CREB3L4: variants seen among roughly 807,000 people sequenced by gnomAD.
CREB3L4 encodes the protein cyclic AMP-responsive element-binding protein 3-like protein 4.
CREB3L4 carries 28 observed loss-of-function variants against 37.0 expected under a neutral mutation model. The observed-to-expected ratio is 0.76, with a 90% CI of 0.56 to 1.04. The LOEUF (loss-of-function observed/expected upper bound fraction) is 1.04. Among genes scored for constraint, CREB3L4 ranks in the 50% least tolerant of loss-of-function variants. CREB3L4 has a pLI of 0.00. For synonymous variants in CREB3L4, 175 were observed against 192.2 expected (o/e 0.91, Z 0.74); for missense variants, 462 against 486.0 (o/e 0.95, Z 0.46).
At chr1:153,970,522 G>A (rs1214421026) in intron 4 of CREB3L4, among the ~76,000 whole-genome samples, 3 of 152,202 alleles carry the variant, frequency 2.0e-5, no homozygotes, top group Admixed American at 2.0e-4. Flanking sequence ...CCACTGGCTA[G>A]TGCTACAGTG....
intron 4 of CREB3L4, among the ~76,000 whole-genome samples, chr1:153,969,956 T>C (rs1418588134): frequency 1.6e-5 from 2 of 127,260 alleles, no homozygotes; most frequent in Non-Finnish European, 3.2e-5. Flanking sequence ...TGAGACGGAG[T>C]CTCACTCTGT....
At chr1:153,972,867 C>G (rs1026086201) in intron 5 of CREB3L4, 31 bp downstream of exon 5, 2 of 1,605,074 alleles carry the variant, frequency 1.2e-6, no homozygotes, top group Admixed American at 1.7e-5. Flanking sequence ...GTATCCCAAC[C>G]CAGGGGCCTC....
chr1:153,973,364 AT>A lies in CREB3L4; in HGVS notation c.813-14del, dbSNP rs1648592196. On this transcript the variant is annotated splice_polypyrimidine_tract_variant and intron_variant, in intron 7 of 9. Coordinates refer to ENST00000368607, the MANE Select transcript of CREB3L4 (RefSeq NM_001255978.2). ...GGTACCCAGATGATACTAACTCTTC[AT>A]TCCTCCTTTCCCAGCTCCTTGGTAG... 2 of 1,613,762 alleles carry A rather than the reference AT, an allele frequency of 1.2e-6. No individual in the cohort carries two copies. The highest frequency in any genetic ancestry group is 2.7e-5 in the African/African-American group (2 of 74,856).
chr1:153,972,970 A>C lies in CREB3L4; in HGVS notation c.637-2A>C. 6.2e-7 allele frequency: 1 copy of C among 1,613,992 alleles called. No homozygotes were observed. Among genetic ancestry groups the C allele is most frequent in the Non-Finnish European group, 8.5e-7 (1 of 1,179,848 alleles). On this transcript the variant is annotated splice_acceptor_variant, in intron 5 of 9. Coordinates refer to ENST00000368607, the MANE Select transcript of CREB3L4 (RefSeq NM_001255978.2). LOFTEE classifies it high-confidence loss of function. Reference sequence around the variant, plus strand: ...AGGACTCACACATCCTGGGCCTCCAAGGCAGAGGAGAGGGTCCTCAAGAAG... The same window carrying C: ...AGGACTCACACATCCTGGGCCTCCACGGCAGAGGAGAGGGTCCTCAAGAAG...
chr1:153,969,243 G>T (rs1419452764), intron 3 of CREB3L4, 67 bp downstream of exon 3: 2 of 1,613,780 alleles, frequency 1.2e-6, no homozygotes, highest in Admixed American at 1.7e-5. Flanking sequence ...GGGTTAAGGG[G>T]GTTTACCCAA....
rs137901554 is a variant in CREB3L4, at chr1:153,974,037, G to A, written c.1160G>A (p.Arg387Gln). 130 of 1,613,934 alleles carry A rather than the reference G, an allele frequency of 8.1e-5. No individual in the cohort carries two copies. Among genetic ancestry groups the A allele is most frequent in the African/African-American group, 4.8e-4 (36 of 75,032 alleles). Reference sequence around the variant, plus strand: ...AAGCCAAGACCCAGTGGGCGCATCCGGTCCGTGCTGCATGCAGATGAGATG... The same window carrying A: ...AAGCCAAGACCCAGTGGGCGCATCCAGTCCGTGCTGCATGCAGATGAGATG... ...GGKPRPSGRI[R>Q]SVLHADEM is the part of the protein sequence containing the mutation. The change falls in exon 10 of 10, where the codon CGG (arginine) becomes CAG (glutamine). Residue 387 changes from arginine to glutamine, a missense_variant. Transcript: ENST00000368607.
Position 153,974,154 on chromosome 1 carries a change from G to A in CREB3L4, c.*89G>A. ...TGCTTCCCACTGGGATTCCTACTTAGGTGTCTGCCCTCAGGGGTCCAAATC... is the reference window on the plus strand; with the variant it reads ...TGCTTCCCACTGGGATTCCTACTTAAGTGTCTGCCCTCAGGGGTCCAAATC... On this transcript the variant is annotated 3_prime_UTR_variant, in exon 10 of 10. Coordinates refer to ENST00000368607, the MANE Select transcript of CREB3L4 (RefSeq NM_001255978.2). The A allele has an allele frequency of 3.1e-6, 4 of 1,304,958 alleles. No individual in the cohort carries two copies. The highest frequency in any genetic ancestry group is 3.2e-6 in the Non-Finnish European group (3 of 940,476). 80.8% of individuals were successfully genotyped at this position (1,304,958 alleles called of 1,614,324 possible). A position where few individuals can be genotyped will look rare whatever the true frequency, so the allele number is the denominator to read the frequency against.
At position 153,969,441 on chromosome 1, in the gene CREB3L4, C is replaced by A; in HGVS notation, c.529C>A (p.Pro177Thr). 6.2e-7 allele frequency: 1 copy of A among 1,614,112 alleles called. No homozygotes were observed. The highest frequency in any genetic ancestry group is 8.5e-7 in the Non-Finnish European group (1 of 1,180,010). ...CAGAGCAGGCACCGTAGCCCCAGTG[C>A]CCTGTACAACCCTGGTGAGTCTTGG... ...LPRAGTVAPVPCTTLLPCQTL... is the reference protein window; with the variant it reads ...LPRAGTVAPVTCTTLLPCQTL... Residue 177 changes from proline to threonine, a missense_variant, in exon 4 of 10, where the codon CCC becomes ACC. Transcript: ENST00000368607.
intron 8 of CREB3L4, 41 bp downstream of exon 8, chr1:153,973,505 T>A: frequency 6.3e-7 from 1 of 1,592,140 alleles, no homozygotes; most frequent in Non-Finnish European, 8.6e-7. Context: ...CCCACACTTC[T>A]ATCCTTATAC....
intron 2 of CREB3L4, 24 bp from the exon 3 acceptor site, chr1:153,968,906 A>G (rs767000961): frequency 3.2e-6 from 5 of 1,581,342 alleles, no homozygotes; most frequent in East Asian, 2.2e-5. Context: ...CCCTGCACAT[A>G]TATATAACCT....
Position 153,973,368 on chromosome 1 carries a change from C to A in CREB3L4, c.813-12C>A, listed in dbSNP as rs1222239341. On this transcript the variant is annotated splice_polypyrimidine_tract_variant and intron_variant, in intron 7 of 9. Coordinates refer to ENST00000368607, the MANE Select transcript of CREB3L4 (RefSeq NM_001255978.2). ...CCCAGATGATACTAACTCTTCATTC[C>A]TCCTTTCCCAGCTCCTTGGTAGCTC... 1 of 1,613,810 alleles carries A rather than the reference C, an allele frequency of 6.2e-7. No homozygotes were observed. Among genetic ancestry groups the A allele is most frequent in the Non-Finnish European group, 8.5e-7 (1 of 1,179,870 alleles).
In CREB3L4 at chr1:153,972,773, T is replaced by G. The variant is rs749975103; in HGVS notation, c.573T>G (p.Asp191Glu). Residue 191 changes from aspartate to glutamate, a missense_variant, in exon 5 of 10, where the codon GAT (aspartate) becomes GAG (glutamate). Transcript: ENST00000368607. ...LLPCQTLFLT[D>E]EEKRLLGQEG... ...CCTGTCAAACCCTGTTCCTGACCGA[T>G]GAGGAGAAGCGTCTGCTGGGGCAGG... 6.2e-7 allele frequency: 1 copy of G among 1,613,938 alleles called. No homozygotes were observed. The highest frequency in any genetic ancestry group is 1.1e-5 in the South Asian group (1 of 91,064).
intron 3 of CREB3L4, 21 bp from the exon 4 acceptor site, chr1:153,969,313 G>A (rs555731932): frequency 4.3e-6 from 7 of 1,614,232 alleles, no homozygotes; most frequent in Non-Finnish European, 5.9e-6. Context: ...CTTTCTCCCA[G>A]CTACCTGTTT....
intron 4 of CREB3L4, among the ~76,000 whole-genome samples, chr1:153,971,155 G>A (rs1232956702): frequency 6.7e-6 from 1 of 149,224 alleles, no homozygotes; most frequent in Non-Finnish European, 1.5e-5. Context: ...GGATCACGAG[G>A]TCAGGAGTTC....
chr1:153,971,072 T>C (rs1294725017), intron 4 of CREB3L4, among the ~76,000 whole-genome samples: 1 of 98,962 alleles, frequency 1.0e-5, no homozygotes, highest in African/African-American at 4.0e-5. Context: ...CTGAGGAACC[T>C]TTAAAAGTCT....
intron 2 of CREB3L4, 33 bp downstream of exon 2, chr1:153,968,732 T>G (rs1648032994): frequency 6.2e-7 from 1 of 1,612,316 alleles, no homozygotes; most frequent in Non-Finnish European, 8.5e-7. Flanking sequence ...GGGGTGGGGT[T>G]GAGACACAAC....
In CREB3L4 at chr1:153,968,579, T is replaced by C. The variant is rs774259279; in HGVS notation, c.54T>C (p.Asp18=). The C allele has an allele frequency of 1.2e-6, 2 of 1,614,046 alleles. No homozygotes were observed. The highest frequency in any genetic ancestry group is 1.3e-5 in the African/African-American group (1 of 74,990). The change falls in exon 2 of 10, where the codon GAT becomes GAC. Residue 18 remains aspartate, a synonymous_variant. Transcript: ENST00000368607. ...ACGCGTGGCTGGAGCCCCCAGAGGA[T>C]ATCTTCTCGACAGGATCCGTCCTGG... The part of the protein sequence containing the change: ...LLDAWLEPPE[D]IFSTGSVLEL...
chr1:153,968,500 C>A (rs202177591), intron 1 of CREB3L4, 22 bp from the exon 2 acceptor site: 9 of 1,606,128 alleles, frequency 5.6e-6, no homozygotes, highest in Middle Eastern at 4.1e-4. Context: ...TGCAACCCTC[C>A]GTCCCACACG....
Position 153,969,004 on chromosome 1 carries a change from A to G in CREB3L4, c.249A>G (p.Ala83=). The change falls in exon 3 of 10, where the codon GCA becomes GCG. Residue 83 remains alanine (A), a synonymous_variant. Coordinates refer to ENST00000368607, the MANE Select transcript of CREB3L4 (RefSeq NM_001255978.2). ...CCAATGAGGTGTACTGCTCAGAAGC[A>G]TCTCCTGGCAGTGACAGTGGCATCT... ...IDPNEVYCSE[A]SPGSDSGISE... is the part of the protein sequence containing the mutation. 6.2e-7 allele frequency: 1 copy of G among 1,614,182 alleles called. No homozygotes were observed. Among genetic ancestry groups the G allele is most frequent in the Non-Finnish European group, 8.5e-7 (1 of 1,180,008 alleles).
Sources: gnomAD v4.1 joint callset for allele counts (sites outside exome capture counted in the v4.1 genomes callset) on GRCh38, gnomAD v4.1.1 for gene constraint, MANE v1.5 for transcripts, NCBI Gene and HGNC (gene_info 2026-07-23, HGNC 2026-07-21) for gene names.